Variants in ZNRF1 observed in about 807,000 individuals in gnomAD.
ZNRF1 encodes E3 ubiquitin-protein ligase ZNRF1.
Under a neutral mutation model 18.4 loss-of-function variants are expected in ZNRF1, and 3 were observed. That is an observed-to-expected ratio of 0.16 (90% CI 0.07 to 0.42). The LOEUF is 0.42. Ranked by LOEUF, ZNRF1 falls within the 10% of genes least tolerant of loss-of-function variation. The probability of loss-of-function intolerance (pLI) is 0.99; values close to 1 mark genes in which losing one functional copy is unlikely to be tolerated. For missense variants in ZNRF1, 310 were observed against 329.8 expected (o/e 0.94, Z 0.47); for synonymous variants, 157 against 144.2 (o/e 1.09, Z -0.64).
At chr16:75,081,619 G>A (rs1449352219) in intron 1 of ZNRF1, among the ~76,000 whole-genome samples, 1 of 152,226 alleles carries the variant, frequency 6.6e-6, no homozygotes, top group African/African-American at 2.4e-5. Context: ...TCCAAGGGAT[G>A]TAGGTGTGCA....
intron 1 of ZNRF1, among the ~76,000 whole-genome samples, chr16:75,059,245 C>CTTTTTTTTTTTTTTT (rs59289376): frequency 4.5e-5 from 3 of 66,978 alleles, no homozygotes; most frequent in African/African-American, 1.6e-4. Flanking sequence ...TTTTTTTTTT[C>CTTTTTTTTTTTTTTT]TTTTTTTTTT....
intron 1 of ZNRF1, among the ~76,000 whole-genome samples, chr16:75,037,340 T>TTG (rs1567474002): frequency 1.3e-5 from 2 of 152,036 alleles, no homozygotes; most frequent in African/African-American, 4.8e-5. Flanking sequence ...CTCTTTTGTT[T>TTG]TTTTGTTTTG....
chr16:75,005,938 A>G (rs970751983), intron 1 of ZNRF1, among the ~76,000 whole-genome samples: 5 of 152,192 alleles, frequency 3.3e-5, no homozygotes, highest in African/African-American at 1.2e-4. Flanking sequence ...AGCCTGCTAC[A>G]TACCTAGATT....
chr16:75,010,720 T>G (rs2034988246), intron 1 of ZNRF1, among the ~76,000 whole-genome samples: 1 of 36,736 alleles, frequency 2.7e-5, no homozygotes, highest in African/African-American at 4.7e-5. Context: ...TGTTTTTTTG[T>G]TTTTTTTTTT....
At chr16:75,096,748 A>G (rs1156350246) in intron 2 of ZNRF1, among the ~76,000 whole-genome samples, 4 of 152,232 alleles carry the variant, frequency 2.6e-5, no homozygotes, top group African/African-American at 4.8e-5. Context: ...GGAAAAAAGT[A>G]GAAACCTCCT....
chr16:75,041,947 G>T (rs1251893765), intron 1 of ZNRF1, among the ~76,000 whole-genome samples: 2 of 152,042 alleles, frequency 1.3e-5, no homozygotes, highest in Non-Finnish European at 2.9e-5. Context: ...AGTGAGCTGA[G>T]ATCATGCCAC....
chr16:75,045,384 T>C (rs1334641273), intron 1 of ZNRF1, among the ~76,000 whole-genome samples: 1 of 152,152 alleles, frequency 6.6e-6, no homozygotes, highest in Non-Finnish European at 1.5e-5. Context: ...GAAGCTTGAG[T>C]CATTACCTTA....
At chr16:75,079,840 G>A (rs1214031717) in intron 1 of ZNRF1, among the ~76,000 whole-genome samples, 1 of 152,246 alleles carries the variant, frequency 6.6e-6, no homozygotes, top group Non-Finnish European at 1.5e-5. Context: ...CTGGGTCCAA[G>A]GCAGGAAGGT....
intron 1 of ZNRF1, among the ~76,000 whole-genome samples, chr16:75,043,028 C>T (rs1056546737): frequency 1.3e-5 from 2 of 152,132 alleles, no homozygotes; most frequent in Admixed American, 6.5e-5. Context: ...TGTCATCCCA[C>T]CTCCTTGTCT....
At chr16:75,045,583 T>C (rs1364113736) in intron 1 of ZNRF1, among the ~76,000 whole-genome samples, 6 of 149,750 alleles carry the variant, frequency 4.0e-5, no homozygotes, top group Non-Finnish European at 7.4e-5. Flanking sequence ...TTGTTTGTTT[T>C]TTAAGAGACA....
At chr16:75,078,996 C>A (rs1258460862) in intron 1 of ZNRF1, among the ~76,000 whole-genome samples, 3 of 152,208 alleles carry the variant, frequency 2.0e-5, no homozygotes, top group Non-Finnish European at 4.4e-5. Context: ...GGAGCCTCCT[C>A]CATGCCTTAC....
At chr16:75,051,620 C>G (rs558555291) in intron 1 of ZNRF1, among the ~76,000 whole-genome samples, 2 of 152,000 alleles carry the variant, frequency 1.3e-5, no homozygotes, top group African/African-American at 4.8e-5. Context: ...CGGGTTCAAG[C>G]GATTCTCCTG....
intron 1 of ZNRF1, among the ~76,000 whole-genome samples, chr16:75,003,917 T>TG (rs2034885259): frequency 6.6e-6 from 1 of 151,982 alleles, no homozygotes. Flanking sequence ...GGAGTTCCTA[T>TG]GGGGGCACTC....
intron 1 of ZNRF1, among the ~76,000 whole-genome samples, chr16:75,053,134 G>T (rs1178582795): frequency 6.6e-6 from 1 of 152,038 alleles, no homozygotes; most frequent in Non-Finnish European, 1.5e-5. Flanking sequence ...AAATCTAGGG[G>T]GCTTTATCTC....
intron 1 of ZNRF1, among the ~76,000 whole-genome samples, chr16:75,004,171 C>T (rs1307389792): frequency 6.6e-6 from 1 of 152,148 alleles, no homozygotes; most frequent in Admixed American, 6.5e-5. Context: ...TACAGCTGTG[C>T]TAGCTGTAGC....
chr16:75,065,561 A>G (rs549977242), intron 1 of ZNRF1, among the ~76,000 whole-genome samples: 2 of 152,314 alleles, frequency 1.3e-5, no homozygotes, highest in East Asian at 1.9e-4. Flanking sequence ...AAATGAAACA[A>G]TATAGAAAGC....
chr16:75,072,039 A>G (rs1251094764), intron 1 of ZNRF1, among the ~76,000 whole-genome samples: 1 of 152,086 alleles, frequency 6.6e-6, no homozygotes, highest in Non-Finnish European at 1.5e-5. Flanking sequence ...CCTGAGCTCA[A>G]TCAGTCCTCC....
At chr16:75,104,503 T>A (rs1478531794) in intron 2 of ZNRF1, 1 of 289,108 alleles carries the variant, frequency 3.5e-6, no homozygotes, top group Admixed American at 4.9e-5. Flanking sequence ...TGTCTACCCT[T>A]CTCCAAGCCT....
In ZNRF1 at chr16:75,006,122, A is replaced by G. The variant is rs138418965; in HGVS notation, c.424+6027A>G. ...TATGCAGTTGCTTGTTGACCCATGC[A>G]TGTAGGGTGGTGCGTCATGGTATCT... On this transcript the variant is annotated intron_variant, in intron 1 of 4. Transcript: ENST00000335325. Among the ~76,000 whole-genome samples the G allele has an allele frequency of 6.6e-5, 10 of 152,292 alleles. No homozygotes were observed. In the East Asian group the frequency reaches 1.5e-3, roughly 23 times the overall value.
Sources: allele counts gnomAD v4.1 joint callset (sites outside exome capture counted in the v4.1 genomes callset), GRCh38; gene constraint gnomAD v4.1.1; transcripts MANE v1.5; gene names NCBI Gene and HGNC (gene_info 2026-07-23, HGNC 2026-07-21).